THADA: variants seen among roughly 807,000 people sequenced by gnomAD.
The protein encoded by THADA is tRNA (32-2'-O)-methyltransferase regulator THADA.
Under a neutral mutation model 219.8 loss-of-function variants are expected in THADA, and 213 were observed. The ratio of observed to expected loss-of-function variants is 0.97; its 90% CI spans 0.87 to 1.09. THADA has a LOEUF of 1.09. THADA is among the 50% of genes least tolerant of loss of function. The pLI is 0.00. For synonymous variants in THADA, 1,018 were observed against 828.9 expected (o/e 1.23, Z -3.92); for missense variants, 2,956 against 2,311.3 (o/e 1.28, Z -5.72).
intron 22 of THADA, among the ~76,000 whole-genome samples, chr2:43,518,558 C>T (rs1692020049): frequency 6.6e-6 from 1 of 152,116 alleles, no homozygotes; most frequent in African/African-American, 2.4e-5. Flanking sequence ...GGTTCAAAAG[C>T]AAGTATAGTT....
intron 21 of THADA, among the ~76,000 whole-genome samples, chr2:43,532,700 T>G (rs1574114101): frequency 1.3e-5 from 2 of 152,128 alleles, no homozygotes; most frequent in Non-Finnish European, 2.9e-5. Context: ...ACAAGACAAG[T>G]ATGCCCTCTC....
intron 26 of THADA, chr2:43,430,617 A>T (rs1461694963): frequency 4.3e-6 from 2 of 465,844 alleles, no homozygotes; most frequent in East Asian, 6.6e-5. Flanking sequence ...ACTGATTTGG[A>T]CTATAAGTAG....
At chr2:43,395,603 C>A (rs1044461537) in intron 29 of THADA, among the ~76,000 whole-genome samples, 1 of 152,170 alleles carries the variant, frequency 6.6e-6, no homozygotes, top group African/African-American at 2.4e-5. Context: ...TCAAGTGATG[C>A]CAAGAAAATA....
intron 34 of THADA, among the ~76,000 whole-genome samples, chr2:43,287,562 G>A (rs1674184973): frequency 6.6e-6 from 1 of 152,156 alleles, no homozygotes; most frequent in South Asian, 2.1e-4. Context: ...CTCCCAAAGT[G>A]CTGGCATTAC....
At chr2:43,320,109 C>G (rs543103567) in intron 31 of THADA, among the ~76,000 whole-genome samples, 5 of 152,184 alleles carry the variant, frequency 3.3e-5, no homozygotes, top group African/African-American at 1.2e-4. Flanking sequence ...CAGAATGGAA[C>G]AGAATGAACT....
intron 30 of THADA, among the ~76,000 whole-genome samples, chr2:43,336,309 T>C (rs1018011686): frequency 6.6e-6 from 1 of 151,918 alleles, no homozygotes; most frequent in African/African-American, 2.4e-5. Flanking sequence ...TCTCACTCTG[T>C]CGCTCAGGCT....
chr2:43,337,834 C>T (rs895647183), intron 30 of THADA, among the ~76,000 whole-genome samples: 10 of 151,908 alleles, frequency 6.6e-5, no homozygotes, highest in Admixed American at 1.3e-4. Context: ...ATTCAGGTGA[C>T]AAAAATATGC....
In THADA at chr2:43,549,864, G is replaced by A. The variant is rs571919945; in HGVS notation, c.2948-496C>T. ...CCCCATCATAATACAAGGTATCAAA[G>A]TTTAAAGATAGAAAGGTAAAAAGAC... On this transcript the variant is annotated intron_variant, in intron 19 of 37. Transcript: ENST00000405975. Among the ~76,000 whole-genome samples the A allele has an allele frequency of 2.2e-3, 332 of 151,848 alleles. 1 individual carries two copies. Among genetic ancestry groups the A allele is most frequent in the African/African-American group, 7.6e-3 (313 of 41,446 alleles).
intron 26 of THADA, among the ~76,000 whole-genome samples, chr2:43,473,909 C>G (rs942628082): frequency 6.6e-6 from 1 of 151,920 alleles, no homozygotes; most frequent in African/African-American, 2.4e-5. Context: ...GCGCCCGGCC[C>G]ATGCTTGACT....
At chr2:43,280,665 A>T (rs900898236) in intron 35 of THADA, among the ~76,000 whole-genome samples, 1 of 151,918 alleles carries the variant, frequency 6.6e-6, no homozygotes, top group African/African-American at 2.4e-5. Context: ...ACAAAACAAC[A>T]ACAACAACAA....
intron 35 of THADA, among the ~76,000 whole-genome samples, chr2:43,281,506 A>G (rs895132043): frequency 6.8e-6 from 1 of 147,662 alleles, no homozygotes; most frequent in Non-Finnish European, 1.5e-5. Flanking sequence ...CAATGGGGCA[A>G]TCTTGGCTCA....
chr2:43,563,373 A>G (rs987904239), intron 15 of THADA: 5 of 151,894 alleles, frequency 3.3e-5, no homozygotes, highest in African/African-American at 1.2e-4. Context: ...AGCCACTAAC[A>G]CTCTCCAGCC....
intron 7 of THADA, among the ~76,000 whole-genome samples, chr2:43,584,106 T>A (rs113205812): frequency 3.3e-4 from 49 of 149,024 alleles, no homozygotes; most frequent in African/African-American, 1.2e-3. Context: ...AAATCCTACA[T>A]GATTCATAAG....
At chr2:43,558,410 A>G (rs1050858238) in intron 16 of THADA, among the ~76,000 whole-genome samples, 14 of 152,166 alleles carry the variant, frequency 9.2e-5, no homozygotes, top group Non-Finnish European at 8.8e-5. Flanking sequence ...GGATTGAAGG[A>G]TGCAAAGTAT....
At chr2:43,380,055 A>G (rs539924563) in intron 29 of THADA, among the ~76,000 whole-genome samples, 1 of 152,290 alleles carries the variant, frequency 6.6e-6, no homozygotes, top group Admixed American at 6.5e-5. Context: ...AACCACAGGA[A>G]AGTTTTTAGG....
In THADA at chr2:43,279,135, C is replaced by T. The variant is rs192122476; in HGVS notation, c.5296+630G>A. On this transcript the variant is annotated intron_variant, in intron 36 of 37. Coordinates refer to ENST00000405975, the MANE Select transcript of THADA (RefSeq NM_022065.5). ...CACAGCCTGAGTTCCTTTTAGCTTTCGTAGCATTTGCCATTACATGCACAT... is the reference window on the plus strand; with the variant it reads ...CACAGCCTGAGTTCCTTTTAGCTTTTGTAGCATTTGCCATTACATGCACAT... 2.7e-4 allele frequency among the ~76,000 whole-genome samples: 41 copies of T among 152,254 alleles called. No homozygotes were observed. The East Asian group carries it at 6.8e-3, about 25-fold the overall frequency.
chr2:43,400,202 A>G (rs1351409820), intron 28 of THADA, among the ~76,000 whole-genome samples: 1 of 152,128 alleles, frequency 6.6e-6, no homozygotes, highest in East Asian at 1.9e-4. Flanking sequence ...TCTGGCATCC[A>G]TACAAGAGGA....
chr2:43,479,812 T>A (rs996765295), intron 26 of THADA, among the ~76,000 whole-genome samples: 1 of 152,178 alleles, frequency 6.6e-6, no homozygotes, highest in African/African-American at 2.4e-5. Context: ...GAGGGGCTCA[T>A]TGAGGTAAAT....
At chr2:43,367,252 C>T (rs1056615388) in intron 29 of THADA, among the ~76,000 whole-genome samples, 3 of 152,186 alleles carry the variant, frequency 2.0e-5, no homozygotes, top group African/African-American at 7.2e-5. Flanking sequence ...GTTCTGGAGA[C>T]TGGCTGCACA....
Sources: allele counts gnomAD v4.1 joint callset (sites outside exome capture counted in the v4.1 genomes callset), GRCh38; gene constraint gnomAD v4.1.1; transcripts MANE v1.5; gene names NCBI Gene and HGNC (gene_info 2026-07-23, HGNC 2026-07-21).